CRYBG3: variants seen among roughly 807,000 people sequenced by gnomAD.
The protein encoded by CRYBG3 is crystallin beta-gamma domain containing 3.
CRYBG3 carries 127 observed loss-of-function variants against 244.2 expected under a neutral mutation model. The observed-to-expected ratio is 0.52, with a 90% CI of 0.45 to 0.60. The LOEUF (loss-of-function observed/expected upper bound fraction) is 0.60. CRYBG3 is among the 20% of genes least tolerant of loss of function. The pLI, the probability that CRYBG3 is intolerant of heterozygous loss-of-function variation, is 0.00. For synonymous variants in CRYBG3, 1,132 were observed against 1,195.8 expected (o/e 0.95, Z 1.10); for missense variants, 3,325 against 3,442.5 (o/e 0.97, Z 0.85).
intron 1 of CRYBG3, among the ~76,000 whole-genome samples, chr3:97,838,654 A>G (rs2038769535): frequency 6.6e-6 from 1 of 152,126 alleles, no homozygotes; most frequent in South Asian, 2.1e-4. Context: ...GGTGCCTGAC[A>G]CATGTGTGCA....
At chr3:97,900,001 T>G (rs2039687774) in intron 14 of CRYBG3, among the ~76,000 whole-genome samples, 1 of 152,218 alleles carries the variant, frequency 6.6e-6, no homozygotes, top group African/African-American at 2.4e-5. Flanking sequence ...TTCAGTAGGT[T>G]ATTTGAGATC....
chr3:97,940,806 A>T (rs1022587724), intron 19 of CRYBG3, among the ~76,000 whole-genome samples: 8 of 151,888 alleles, frequency 5.3e-5, no homozygotes, highest in African/African-American at 1.9e-4. Flanking sequence ...TACCTCCCTC[A>T]GCACAGCTGG....
In CRYBG3 at chr3:97,896,186, T is replaced by C. The variant is rs182672442; in HGVS notation, c.7701+101T>C. ...AGAACATGAGATTATAAAATATTTC[T>C]AACACCCAAGAGTATTAACCTCAAC... On this transcript the variant is annotated intron_variant, in intron 12 of 21. Coordinates refer to ENST00000389622, the MANE Select transcript of CRYBG3 (RefSeq NM_153605.4). 52 of 1,158,990 alleles carry C rather than the reference T, an allele frequency of 4.5e-5. 1 individual carries two copies. Among genetic ancestry groups the C allele is most frequent in the African/African-American group, 2.9e-4 (19 of 64,416 alleles). The allele number at this position is 1,158,990 out of a possible 1,614,324, so 71.8% of individuals were successfully genotyped here.
At chr3:97,920,238 A>C (rs561134298) in intron 17 of CRYBG3, among the ~76,000 whole-genome samples, 1 of 152,164 alleles carries the variant, frequency 6.6e-6, no homozygotes, top group East Asian at 1.9e-4. Context: ...AAACTCATCA[A>C]ATCTAAGTGT....
intron 3 of CRYBG3, 105 bp from the exon 4 acceptor site, chr3:97,871,737 T>C (rs1359151344): frequency 2.5e-5 from 18 of 734,098 alleles, no homozygotes; most frequent in Non-Finnish European, 3.3e-5. Context: ...TGGTACATAT[T>C]AAGGGAAGTG....
intron 15 of CRYBG3, among the ~76,000 whole-genome samples, chr3:97,910,636 G>T (rs1269484810): frequency 6.6e-6 from 1 of 152,148 alleles, no homozygotes; most frequent in African/African-American, 2.4e-5. Flanking sequence ...CCATGACCTG[G>T]GCCCACTGTC....
chr3:97,939,972 TTC>T (rs2040207206), intron 19 of CRYBG3, among the ~76,000 whole-genome samples: 1 of 152,056 alleles, frequency 6.6e-6, no homozygotes, highest in Non-Finnish European at 1.5e-5. Context: ...CAGTAGACTG[TTC>T]ATTGGTTCTC....
At chr3:97,868,200 C>T (rs527330655) in intron 3 of CRYBG3, among the ~76,000 whole-genome samples, 5 of 150,718 alleles carry the variant, frequency 3.3e-5, no homozygotes, top group South Asian at 2.1e-4. Context: ...AGGAGAATGG[C>T]GTGAACCCAG....
Position 97,943,440 on chromosome 3 carries a change from TTTTCTCCAGCCTCTGAGACTA to T in CRYBG3, c.*128_*148del. Reference sequence around the variant, plus strand: ...CCTGGATCACTGAGCAGAATGAACATTTTCTCCAGCCTCTGAGACTATCGCTCTTAACCATGGAAAAGCTCA... The same window carrying T: ...CCTGGATCACTGAGCAGAATGAACATTCGCTCTTAACCATGGAAAAGCTCA... On this transcript the variant is annotated 3_prime_UTR_variant, in exon 22 of 22. Transcript: ENST00000389622. 1 of 643,172 alleles carries T rather than the reference TTTTCTCCAGCCTCTGAGACTA, an allele frequency of 1.6e-6. No individual in the cohort carries two copies. Among genetic ancestry groups the T allele is most frequent in the South Asian group, 1.8e-5 (1 of 54,322 alleles). The allele number at this position is 643,172 out of a possible 1,614,324, so 39.8% of individuals were successfully genotyped here.
Position 97,886,721 on chromosome 3 carries a change from G to T in CRYBG3, c.7243G>T (p.Glu2415Ter), listed in dbSNP as rs1342999402. 6.2e-7 allele frequency: 1 copy of T among 1,612,236 alleles called. No homozygotes were observed. The highest frequency in any genetic ancestry group is 2.2e-5 in the East Asian group (1 of 44,814). ...ACAGAGAGCAGTCCCCAATTTGGAA[G>T]AACTGAATATCTCCAAATCTGTGTC... ...YIQRAVPNLE[E>*]LNISKSVSFT... The change falls in exon 8 of 22, where the codon GAA (glutamate) becomes TAA (stop). Residue 2415 changes from glutamate to a stop codon, truncating the protein, a stop_gained. Transcript: ENST00000389622. LOFTEE classifies it high-confidence loss of function.
intron 2 of CRYBG3, among the ~76,000 whole-genome samples, chr3:97,848,299 T>TTTG (rs2038931713): frequency 1.3e-5 from 2 of 152,090 alleles, no homozygotes; most frequent in East Asian, 3.9e-4. Context: ...TCTTTGTTTG[T>TTTG]TTGTTGTTGT....
intron 2 of CRYBG3, among the ~76,000 whole-genome samples, chr3:97,852,626 C>T (rs2039002468): frequency 6.6e-6 from 1 of 152,164 alleles, no homozygotes; most frequent in Admixed American, 6.5e-5. Flanking sequence ...GTAAATAGTG[C>T]TGCAATAAAC....
At chr3:97,931,825 C>G (rs919915034) in intron 17 of CRYBG3, among the ~76,000 whole-genome samples, 2 of 152,026 alleles carry the variant, frequency 1.3e-5, no homozygotes, top group African/African-American at 4.8e-5. Flanking sequence ...AACCTTCCCC[C>G]TAACCCCTGT....
chr3:97,899,171 G>C lies in CRYBG3; in HGVS notation c.7879G>C (p.Glu2627Gln). The change falls in exon 14 of 22, where the codon GAA becomes CAA. Residue 2627 changes from glutamate (E) to glutamine (Q), a missense_variant. Coordinates refer to ENST00000389622, the MANE Select transcript of CRYBG3 (RefSeq NM_153605.4). ...VAYQQKFFCG[E>Q]QYILEKGKYK... ...CTACCAGCAAAAGTTCTTCTGTGGA[G>C]AACAATACATTTTAGAAAAAGGGAA... 6.2e-7 allele frequency: 1 copy of C among 1,613,386 alleles called. No homozygotes were observed. The highest frequency in any genetic ancestry group is 8.5e-7 in the Non-Finnish European group (1 of 1,179,788).
chr3:97,882,198 ACT>A (rs1312342872), intron 7 of CRYBG3, among the ~76,000 whole-genome samples: 1 of 118,768 alleles, frequency 8.4e-6, no homozygotes, highest in African/African-American at 2.9e-5. Context: ...ACAGAGCAAG[ACT>A]CTGTCTAATA....
rs2039336415 is a variant in CRYBG3, at chr3:97,873,867, T to G, written c.2673T>G (p.His891Gln). The G allele has an allele frequency of 6.5e-7, 1 of 1,535,770 alleles. No individual in the cohort carries two copies. The highest frequency in any genetic ancestry group is 8.7e-7 in the Non-Finnish European group (1 of 1,146,770). The change falls in exon 4 of 22, where the codon CAT becomes CAG. Residue 891 changes from histidine to glutamine, a missense_variant. Physicochemically the swap from His to Gln is conservative, Grantham distance 24 (BLOSUM62 0). This residue lies in a region of CRYBG3 where 1,526 missense variants were observed against 1,443.2 expected (regional missense o/e 1.06). Transcript: ENST00000389622. ...GCAAACGTTTTCAATCAATTAATCA[T>G]AATGAGATAGGAGAGAAATGTTCAG... The part of the protein sequence containing the change: ...EQGKRFQSIN[H>Q]NEIGEKCSDA...
At chr3:97,913,921 A>G (rs945708027) in intron 16 of CRYBG3, among the ~76,000 whole-genome samples, 10 of 152,188 alleles carry the variant, frequency 6.6e-5, no homozygotes, top group African/African-American at 2.2e-4. Flanking sequence ...CCAGCATACC[A>G]TAATCACCAC....
chr3:97,868,924 C>T, intron 3 of CRYBG3, among the ~76,000 whole-genome samples: 1 of 151,840 alleles, frequency 6.6e-6, no homozygotes, highest in Non-Finnish European at 1.5e-5. Flanking sequence ...TTGATTTCTT[C>T]AGAATTACTT....
rs1344719402 is a variant in CRYBG3, at chr3:97,876,037, AT to A, written c.4847del (p.Leu1616Ter). 1 of 1,231,986 alleles carries A rather than the reference AT, an allele frequency of 8.1e-7. No homozygotes were observed. Among genetic ancestry groups the A allele is most frequent in the Non-Finnish European group, 1.0e-6 (1 of 987,948 alleles). The allele number at this position is 1,231,986 out of a possible 1,614,324, so 76.3% of individuals were successfully genotyped here. A position where few individuals can be genotyped will look rare whatever the true frequency, so the allele number is the denominator to read the frequency against. On this transcript the variant is annotated frameshift_variant, in exon 4 of 22. Coordinates refer to ENST00000389622, the MANE Select transcript of CRYBG3 (RefSeq NM_153605.4). LOFTEE classifies it high-confidence loss of function. The stretch of plus-strand genomic sequence containing the variant: ...TGAAAAAACTGAGGGATCAGCTGTC[AT>A]TTTAGGAATGGAAAAAGCTTATAAG... ...CIEKTEGSAVILGMEKAYKMK... is the reference protein window; with the variant it reads ...CIEKTEGSAVXLGMEKAYKMK...
Sources: gnomAD v4.1 joint callset for allele counts (sites outside exome capture counted in the v4.1 genomes callset) on GRCh38, gnomAD v4.1.1 for gene constraint, gnomAD v4.1.1 regional missense constraint, MANE v1.5 for transcripts, NCBI Gene and HGNC (gene_info 2026-07-23, HGNC 2026-07-21) for gene names.